TECR: variants seen among roughly 807,000 people sequenced by gnomAD.
TECR encodes the protein trans-2,3-enoyl-CoA reductase, also known as very-long-chain enoyl-CoA reductase.
TECR carries 19 observed loss-of-function variants against 50.6 expected under a neutral mutation model. That is an observed-to-expected ratio of 0.38 (90% CI 0.26 to 0.55). The LOEUF (loss-of-function observed/expected upper bound fraction) is 0.55, where lower values mean the gene tolerates loss of function less well. TECR is among the 20% of genes least tolerant of loss of function. The pLI is 0.79. For missense variants in TECR, 313 were observed against 408.3 expected (o/e 0.77, Z 2.01); for synonymous variants, 168 against 163.5 (o/e 1.03, Z -0.21).
chr19:14,551,989 T>G (rs2073539043), intron 1 of TECR, among the ~76,000 whole-genome samples: 1 of 145,250 alleles, frequency 6.9e-6, no homozygotes, highest in Non-Finnish European at 1.5e-5. Flanking sequence ...CTTTTTTTTT[T>G]TTTGAGATGG....
Position 14,529,619 on chromosome 19 carries a change from G to C in TECR, c.-78G>C. On this transcript the variant is annotated 5_prime_UTR_variant, in exon 1 of 13. Coordinates refer to ENST00000215567, the MANE Select transcript of TECR (RefSeq NM_138501.6). ...GTTTAGTCTATCGCTGCGGTTGCGAGCGCTGTAGGGAGCCTGTGCTGTGCC... is the reference window on the plus strand; with the variant it reads ...GTTTAGTCTATCGCTGCGGTTGCGACCGCTGTAGGGAGCCTGTGCTGTGCC... 1.2e-6 allele frequency: 2 copies of C among 1,609,416 alleles called. No homozygotes were observed. Among genetic ancestry groups the C allele is most frequent in the Non-Finnish European group, 1.7e-6 (2 of 1,176,314 alleles).
intron 1 of TECR, among the ~76,000 whole-genome samples, chr19:14,554,811 A>C (rs1599474868): frequency 1.3e-5 from 2 of 148,696 alleles, no homozygotes. Flanking sequence ...ATGGAGTTTC[A>C]CTCTGTCACC....
rs750454418 is a variant in TECR, at chr19:14,563,728, G to A, written c.163+26G>A. On this transcript the variant is annotated intron_variant, in intron 4 of 12. Transcript: ENST00000215567. The surrounding 1 kb of genome is among the most constrained non-coding windows in gnomAD (Gnocchi z 5.3). ...GTGAGTACAGCTGTCCACTCGGCCC[G>A]CCCCCTGGGCTCCTGGGTGGCAGTG... 1.2e-5 allele frequency: 19 copies of A among 1,612,784 alleles called. No homozygotes were observed. The highest frequency in any genetic ancestry group is 1.7e-4 in the Middle Eastern group (1 of 5,992).
intron 1 of TECR, among the ~76,000 whole-genome samples, chr19:14,551,099 T>TCTTG (rs1392381756): frequency 7.3e-5 from 11 of 151,648 alleles, no homozygotes; most frequent in African/African-American, 2.4e-4. Context: ...TGATATGGAG[T>TCTTG]CTTGCTTTGT....
rs527843609 is a variant in TECR, at chr19:14,555,400, T to C, written c.16-7125T>C. ...AGTAGCTGGGATTACAGGTGCCCAC[T>C]GCCATGCCCAGCAAATTTTTTTGTA... On this transcript the variant is annotated intron_variant, in intron 1 of 12. Transcript: ENST00000215567. Among the ~76,000 whole-genome samples the C allele has an allele frequency of 2.7e-3, 407 of 149,756 alleles. 4 individuals are homozygous for C. The highest frequency in any genetic ancestry group is 9.6e-3 in the African/African-American group (391 of 40,794).
intron 1 of TECR, among the ~76,000 whole-genome samples, chr19:14,544,496 G>T (rs1172629367): frequency 6.6e-6 from 1 of 152,134 alleles, no homozygotes; most frequent in African/African-American, 2.4e-5. Flanking sequence ...CTCGGGGTGT[G>T]CGGCCATTCT....
At chr19:14,552,543 C>A (rs2073565696) in intron 1 of TECR, among the ~76,000 whole-genome samples, 1 of 146,854 alleles carries the variant, frequency 6.8e-6, no homozygotes, top group South Asian at 2.2e-4. Flanking sequence ...CTTTTCTTTT[C>A]TTTTTTTTTG....
chr19:14,565,402 G>C (rs762660462), intron 11 of TECR, 112 bp downstream of exon 11: 3 of 1,429,938 alleles, frequency 2.1e-6, no homozygotes, highest in Admixed American at 1.9e-5. Context: ...CCTGCACTGC[G>C]AGCATTGGGA....
At chr19:14,540,401 G>T (rs999564757) in intron 1 of TECR, among the ~76,000 whole-genome samples, 6 of 150,600 alleles carry the variant, frequency 4.0e-5, no homozygotes, top group South Asian at 2.1e-4. Context: ...ATTAAAAAAT[G>T]TGTGTTTTTG....
At chr19:14,557,157 T>TTTATTTATTTA (rs1280344884) in intron 1 of TECR, among the ~76,000 whole-genome samples, 3 of 39,894 alleles carry the variant, frequency 7.5e-5, no homozygotes, top group South Asian at 1.5e-3. Context: ...TTATTTATTT[T>TTTATTTATTTA]GAGACAGGGT....
At chr19:14,556,350 T>C (rs1011133970) in intron 1 of TECR, among the ~76,000 whole-genome samples, 4 of 151,724 alleles carry the variant, frequency 2.6e-5, no homozygotes, top group African/African-American at 7.3e-5. Flanking sequence ...CTCTTGGAGG[T>C]TGCAGTGAGC....
At chr19:14,559,829 T>C (rs1372145789) in intron 1 of TECR, among the ~76,000 whole-genome samples, 1 of 150,284 alleles carries the variant, frequency 6.7e-6, no homozygotes, top group African/African-American at 2.4e-5. Flanking sequence ...ATTGCAAGAA[T>C]AGTATGGAGA....
chr19:14,529,411 C>T (rs2072522014), upstream of TECR: 1 of 589,510 alleles, frequency 1.7e-6, no homozygotes, highest in Admixed American at 2.8e-5. Context: ...TCTCTTTAGC[C>T]CCTCCTACAG....
chr19:14,559,463 C>A (rs1396968174), intron 1 of TECR, among the ~76,000 whole-genome samples: 1 of 152,082 alleles, frequency 6.6e-6, no homozygotes, highest in Admixed American at 6.6e-5. Context: ...TTTTACCCCA[C>A]CTGGAATATC....
chr19:14,560,114 T>C (rs1454787598), intron 1 of TECR, among the ~76,000 whole-genome samples: 1 of 152,122 alleles, frequency 6.6e-6, no homozygotes. Flanking sequence ...GTGGCCCCTC[T>C]CTCGCTACCC....
rs1015982257 is a variant in TECR at position 14,563,569 on chromosome 19, G to T, written c.119-89G>T. 1.3e-5 allele frequency: 21 copies of T among 1,576,392 alleles called. No homozygotes were observed. In the African/African-American group the frequency reaches 2.8e-4, roughly 21 times the overall value. ...GAGTCCTGGGGTCCTTGCACCCTGGGAACCCTGAGAAGCTGGCACAGTGGC... is the reference window on the plus strand; with the variant it reads ...GAGTCCTGGGGTCCTTGCACCCTGGTAACCCTGAGAAGCTGGCACAGTGGC... On this transcript the variant is annotated intron_variant, in intron 3 of 12. Coordinates refer to ENST00000215567, the MANE Select transcript of TECR (RefSeq NM_138501.6). The surrounding 1 kb of genome is among the most constrained non-coding windows in gnomAD (Gnocchi z 5.3).
chr19:14,565,310 C>G lies in TECR; in HGVS notation c.753+20C>G. 1.2e-6 allele frequency: 2 copies of G among 1,611,868 alleles called. No homozygotes were observed. Among genetic ancestry groups the G allele is most frequent in the Non-Finnish European group, 1.7e-6 (2 of 1,179,620 alleles). The stretch of plus-strand genomic sequence containing the variant: ...TACGAGGTGAGGGGCTGCCTTACCC[C>G]TCTCTGCCCTGGGACTTGGGGTCCC... On this transcript the variant is annotated intron_variant, in intron 11 of 12. Coordinates refer to ENST00000215567, the MANE Select transcript of TECR (RefSeq NM_138501.6).
chr19:14,530,890 T>G (rs894506768), intron 1 of TECR: 1 of 152,192 alleles, frequency 6.6e-6, no homozygotes, highest in Non-Finnish European at 1.5e-5. Flanking sequence ...CCAGAACTCT[T>G]TGCATCTTGG....
At position 14,563,671 on chromosome 19, in the gene TECR, C is replaced by T; in HGVS notation, c.132C>T (p.Tyr44=). Residue 44 remains tyrosine, a synonymous_variant, in exon 4 of 13, where the codon TAC becomes TAT. Transcript: ENST00000215567. The surrounding 1 kb of genome is among the most constrained non-coding windows in gnomAD (Gnocchi z 5.3). ...NLFTKTHPQW[Y]PARQSLRLDP... is the part of the protein sequence containing the mutation. ...TTCTCCCCGCAGATCCGCAGTGGTA[C>T]CCCGCCCGCCAGTCCCTCCGCCTGG... is the stretch of plus-strand genomic sequence containing the variant. The T allele has an allele frequency of 6.2e-7, 1 of 1,612,184 alleles. No individual in the cohort carries two copies. The highest frequency in any genetic ancestry group is 8.5e-7 in the Non-Finnish European group (1 of 1,179,844).
Sources: gnomAD v4.1 joint callset for allele counts (sites outside exome capture counted in the v4.1 genomes callset) on GRCh38, gnomAD v4.1.1 for gene constraint, Gnocchi (gnomAD v3.1) non-coding constraint, MANE v1.5 for transcripts, NCBI Gene and HGNC (gene_info 2026-07-23, HGNC 2026-07-21) for gene names.